Variants in SLC39A9 observed in about 807,000 individuals in gnomAD.
SLC39A9 encodes solute carrier family 39 member 9, also known as zinc transporter ZIP9.
SLC39A9 carries 14 observed loss-of-function variants against 28.4 expected under a neutral mutation model. The observed-to-expected ratio is 0.49, with a 90% CI of 0.33 to 0.77. SLC39A9 has a LOEUF of 0.77. Among genes scored for constraint, SLC39A9 ranks in the 30% least tolerant of loss-of-function variants. The pLI, the probability that SLC39A9 is intolerant of heterozygous loss-of-function variation, is 0.02. For missense variants in SLC39A9, 283 were observed against 381.1 expected (o/e 0.74, Z 2.14); for synonymous variants, 119 against 149.6 (o/e 0.80, Z 1.49).
At chr14:69,455,274 C>T (rs1205001066) in intron 5 of SLC39A9, among the ~76,000 whole-genome samples, 5 of 152,042 alleles carry the variant, frequency 3.3e-5, no homozygotes, top group African/African-American at 9.7e-5. Context: ...CATAGCTCAG[C>T]GTTTGTACTC....
At chr14:69,421,313 G>A (rs974578919) in intron 1 of SLC39A9, among the ~76,000 whole-genome samples, 1 of 152,182 alleles carries the variant, frequency 6.6e-6, no homozygotes, top group African/African-American at 2.4e-5. Context: ...TGTTTGCCTT[G>A]GTATCACCAG....
intron 2 of SLC39A9, among the ~76,000 whole-genome samples, chr14:69,434,088 T>C (rs1241159350): frequency 3.3e-5 from 5 of 149,296 alleles, no homozygotes; most frequent in African/African-American, 9.8e-5. Context: ...CTTTTCTTTT[T>C]TTTTTTTTTT....
intron 1 of SLC39A9, among the ~76,000 whole-genome samples, chr14:69,419,706 T>G (rs1261553464): frequency 1.3e-5 from 2 of 152,230 alleles, no homozygotes; most frequent in Non-Finnish European, 2.9e-5. Flanking sequence ...GCATATATGT[T>G]TAGGATAGTT....
At chr14:69,437,303 G>A (rs1262911072) in intron 2 of SLC39A9, among the ~76,000 whole-genome samples, 1 of 152,178 alleles carries the variant, frequency 6.6e-6, no homozygotes, top group East Asian at 1.9e-4. Flanking sequence ...AGAAAAAAAG[G>A]GGAGACTTTC....
chr14:69,434,205 T>G (rs1884634247), intron 2 of SLC39A9, among the ~76,000 whole-genome samples: 1 of 151,022 alleles, frequency 6.6e-6, no homozygotes. Flanking sequence ...TGTCTGAGCC[T>G]CCCAAGTAGC....
chr14:69,440,728 C>T lies in SLC39A9; in HGVS notation c.206-1341C>T, dbSNP rs149084442. On this transcript the variant is annotated intron_variant, in intron 2 of 6. Transcript: ENST00000336643. ...CTCCCTCTGTTGCCAGGCTGGAAGG[C>T]AGTGGCGTGATCTCGGCTCACTGCA... Among the ~76,000 whole-genome samples, 60 of 152,272 alleles carry T rather than the reference C, an allele frequency of 3.9e-4. 3 individuals are homozygous for T. The East Asian group carries it at 8.7e-3, about 22-fold the overall frequency.
intron 1 of SLC39A9, among the ~76,000 whole-genome samples, chr14:69,403,714 A>G (rs1313662887): frequency 1.3e-5 from 2 of 152,240 alleles, no homozygotes; most frequent in Non-Finnish European, 2.9e-5. Context: ...ATTGCAGACC[A>G]GTTTGAGTTA....
At chr14:69,402,395 G>C (rs1326372516) in intron 1 of SLC39A9, among the ~76,000 whole-genome samples, 1 of 152,110 alleles carries the variant, frequency 6.6e-6, no homozygotes, top group East Asian at 1.9e-4. Context: ...TAATCTTGCT[G>C]CTGCTTTCTC....
intron 1 of SLC39A9, among the ~76,000 whole-genome samples, chr14:69,415,920 T>C (rs539674368): frequency 6.6e-6 from 1 of 151,954 alleles, no homozygotes; most frequent in Non-Finnish European, 1.5e-5. Flanking sequence ...CTAACCTCTT[T>C]ATTATTATTA....
In SLC39A9 at chr14:69,459,725, C is replaced by A. The variant is rs1190023136; in HGVS notation, c.*1132C>A. The A allele has an allele frequency of 2.0e-6, 2 of 984,570 alleles. No individual in the cohort carries two copies. Among genetic ancestry groups the A allele is most frequent in the Non-Finnish European group, 2.4e-6 (2 of 829,366 alleles). The allele number at this position is 984,570 out of a possible 1,614,324, so 61.0% of individuals were successfully genotyped here. On this transcript the variant is annotated 3_prime_UTR_variant, in exon 7 of 7. Coordinates refer to ENST00000336643, the MANE Select transcript of SLC39A9 (RefSeq NM_018375.5). The stretch of plus-strand genomic sequence containing the variant: ...GATTTAAAGCTTATTGGAATCATGT[C>A]TCTTGTCTCTTCGTCTTTTCTTTGC...
intron 3 of SLC39A9, among the ~76,000 whole-genome samples, chr14:69,452,847 G>T (rs560254052): frequency 6.6e-5 from 10 of 152,246 alleles, no homozygotes; most frequent in Admixed American, 1.3e-4. Flanking sequence ...GGTCTGGAAA[G>T]AAATGATCAG....
intron 2 of SLC39A9, among the ~76,000 whole-genome samples, chr14:69,427,728 A>G (rs958215889): frequency 6.6e-6 from 1 of 152,202 alleles, no homozygotes; most frequent in African/African-American, 2.4e-5. Flanking sequence ...GAGGGTCAGT[A>G]TATGAAGGGA....
chr14:69,460,859 C>T lies in SLC39A9; in HGVS notation c.*2266C>T. Reference sequence around the variant, plus strand: ...GAGAACTACTCATTTCTCTCCTGGTCAGCAGACAGAAATAGCCATACTAAT... The same window carrying T: ...GAGAACTACTCATTTCTCTCCTGGTTAGCAGACAGAAATAGCCATACTAAT... On this transcript the variant is annotated 3_prime_UTR_variant, in exon 7 of 7. Coordinates refer to ENST00000336643, the MANE Select transcript of SLC39A9 (RefSeq NM_018375.5). 1.0e-6 allele frequency: 1 copy of T among 985,456 alleles called. No individual in the cohort carries two copies. The allele number at this position is 985,456 out of a possible 1,614,324, so 61.0% of individuals were successfully genotyped here. A position where few individuals can be genotyped will look rare whatever the true frequency, so the allele number is the denominator to read the frequency against.
Position 69,460,934 on chromosome 14 carries a change from G to A in SLC39A9, c.*2341G>A. On this transcript the variant is annotated 3_prime_UTR_variant, in exon 7 of 7. Coordinates refer to ENST00000336643, the MANE Select transcript of SLC39A9 (RefSeq NM_018375.5). The stretch of plus-strand genomic sequence containing the variant: ...AGGCAGCAGGGAACCAAGCAGCGTG[G>A]CACAGGCCTTCTTGACTGGAGGAAG... The A allele has an allele frequency of 3.0e-6, 3 of 985,654 alleles. No homozygotes were observed. The highest frequency in any genetic ancestry group is 3.6e-6 in the Non-Finnish European group (3 of 830,136). 61.1% of individuals were successfully genotyped at this position (985,654 alleles called of 1,614,324 possible).
chr14:69,407,297 TCCTTC>T (rs1394410708), intron 1 of SLC39A9, among the ~76,000 whole-genome samples: 3 of 149,892 alleles, frequency 2.0e-5, no homozygotes, highest in African/African-American at 7.4e-5. Context: ...TTCCTTCCCT[TCCTTC>T]CCTTCCTTCC....
At chr14:69,444,970 T>A (rs1885223859) in intron 3 of SLC39A9, among the ~76,000 whole-genome samples, 1 of 150,732 alleles carries the variant, frequency 6.6e-6, no homozygotes, top group African/African-American at 2.4e-5. Flanking sequence ...CCTGTCGCTC[T>A]AAAAAAAATA....
chr14:69,407,238 C>A (rs1045441884), intron 1 of SLC39A9, among the ~76,000 whole-genome samples: 3 of 150,198 alleles, frequency 2.0e-5, no homozygotes, highest in African/African-American at 7.3e-5. Flanking sequence ...CTATTGCAAA[C>A]CCTGTATTTA....
chr14:69,419,822 C>T (rs996343148), intron 1 of SLC39A9, among the ~76,000 whole-genome samples: 1 of 152,090 alleles, frequency 6.6e-6, no homozygotes, highest in Admixed American at 6.6e-5. Context: ...ATTGCAACCC[C>T]TGCTTTTTTT....
chr14:69,420,461 T>G (rs1197358640), intron 1 of SLC39A9, among the ~76,000 whole-genome samples: 2 of 152,208 alleles, frequency 1.3e-5, no homozygotes, highest in Non-Finnish European at 2.9e-5. Context: ...TTGGTGAATC[T>G]GACAATTATG....
Sources: allele counts gnomAD v4.1 joint callset (sites outside exome capture counted in the v4.1 genomes callset), GRCh38; gene constraint gnomAD v4.1.1; transcripts MANE v1.5; gene names NCBI Gene and HGNC (gene_info 2026-07-23, HGNC 2026-07-21).